AMD1: variants seen among roughly 807,000 people sequenced by gnomAD.
AMD1 encodes the protein adenosylmethionine decarboxylase 1.
Under a neutral mutation model 40.2 loss-of-function variants are expected in AMD1, and 11 were observed. The observed-to-expected ratio is 0.27, with a 90% CI of 0.17 to 0.45. The LOEUF (loss-of-function observed/expected upper bound fraction) is 0.45. AMD1 is among the 20% of genes least tolerant of loss of function. The probability of loss-of-function intolerance (pLI) is 1.00; values close to 1 mark genes in which losing one functional copy is unlikely to be tolerated. For missense variants in AMD1, 257 were observed against 410.2 expected (o/e 0.63, Z 3.23); for synonymous variants, 121 against 130.8 (o/e 0.93, Z 0.51).
chr6:110,835,422 A>G, the AMD1 span, among the ~76,000 whole-genome samples: 38 of 152,330 alleles, frequency 2.5e-4, no homozygotes, highest in Middle Eastern at 3.4e-3. Context: ...AAGTTTTTAT[A>G]TTTAGTTACT....
chr6:110,839,682 T>C, the AMD1 span, among the ~76,000 whole-genome samples: 1 of 152,210 alleles, frequency 6.6e-6, no homozygotes, highest in Non-Finnish European at 1.5e-5. Context: ...TATTTTAATT[T>C]TCCTTTTTTT....
chr6:110,818,822 G>A, the AMD1 span, among the ~76,000 whole-genome samples: 4 of 152,230 alleles, frequency 2.6e-5, no homozygotes, highest in African/African-American at 9.6e-5. Context: ...ATAGGCGCGA[G>A]CCTAATTCCT....
the AMD1 span, among the ~76,000 whole-genome samples, chr6:110,841,607 C>T: frequency 0.048 from 7,314 of 151,770 alleles, 184 homozygotes; most frequent in Middle Eastern, 0.078. Context: ...TTAGATTGTG[C>T]GGTCTGGCTC....
At chr6:110,858,037 T>C in the AMD1 span, among the ~76,000 whole-genome samples, 1 of 151,874 alleles carries the variant, frequency 6.6e-6, no homozygotes, top group Non-Finnish European at 1.5e-5. Context: ...AGAGACATGG[T>C]TTTGCTATGT....
At chr6:110,823,470 G>A in the AMD1 span, among the ~76,000 whole-genome samples, 1 of 152,144 alleles carries the variant, frequency 6.6e-6, no homozygotes, top group African/African-American at 2.4e-5. Context: ...TGTATACCTA[G>A]AAAACTCCAA....
At chr6:110,845,660 G>A in the AMD1 span, among the ~76,000 whole-genome samples, 1,411 of 152,182 alleles carry the variant, frequency 9.3e-3, 21 homozygotes, top group African/African-American at 0.032. Context: ...TTATACCAGC[G>A]ATTTGCCAGG....
At chr6:110,883,387 A>C (rs1283566172) in intron 1 of AMD1, among the ~76,000 whole-genome samples, 1 of 152,176 alleles carries the variant, frequency 6.6e-6, no homozygotes, top group Admixed American at 6.5e-5. Context: ...AGAACTGAAA[A>C]GTAGGGGCAG....
At chr6:110,892,471 T>C (rs1412184039) in intron 6 of AMD1, 28 bp downstream of exon 6, 1 of 1,609,918 alleles carries the variant, frequency 6.2e-7, no homozygotes, top group East Asian at 2.2e-5. Flanking sequence ...TAATTGTTGC[T>C]GGACTCTTCT....
At chr6:110,843,155 T>C in the AMD1 span, among the ~76,000 whole-genome samples, 3 of 146,048 alleles carry the variant, frequency 2.1e-5, no homozygotes, top group Admixed American at 1.4e-4. Context: ...AAAAAACATA[T>C]GCTTTTAGTC....
chr6:110,873,613 A>G (rs543915626), upstream of AMD1, among the ~76,000 whole-genome samples: 1 of 152,318 alleles, frequency 6.6e-6, no homozygotes, highest in East Asian at 1.9e-4. Context: ...TGACAATAGC[A>G]ATTTTTATGT....
At chr6:110,821,903 C>G in the AMD1 span, among the ~76,000 whole-genome samples, 1 of 152,018 alleles carries the variant, frequency 6.6e-6, no homozygotes, top group African/African-American at 2.4e-5. Flanking sequence ...CATCATACCT[C>G]CAGGAAATAG....
intron 1 of AMD1, among the ~76,000 whole-genome samples, chr6:110,882,544 C>G (rs919498884): frequency 6.6e-6 from 1 of 152,208 alleles, no homozygotes; most frequent in Non-Finnish European, 1.5e-5. Flanking sequence ...TCAGCTGTTG[C>G]AGAGTTTTTC....
the AMD1 span, among the ~76,000 whole-genome samples, chr6:110,869,130 C>A: frequency 2.6e-5 from 4 of 151,680 alleles, no homozygotes; most frequent in East Asian, 7.8e-4. Flanking sequence ...TTCTTCATTA[C>A]TTTAGCTTCT....
chr6:110,818,546 A>G, the AMD1 span, among the ~76,000 whole-genome samples: 1 of 151,570 alleles, frequency 6.6e-6, no homozygotes, highest in Non-Finnish European at 1.5e-5. Context: ...TTATTTATTT[A>G]TTTATTTATT....
intron 1 of AMD1, among the ~76,000 whole-genome samples, chr6:110,879,067 CA>C (rs1381941077): frequency 6.6e-6 from 1 of 152,142 alleles, no homozygotes; most frequent in African/African-American, 2.4e-5. Context: ...CCAGCAGTTT[CA>C]AAAAGGTTTC....
chr6:110,845,038 C>CTTTT, the AMD1 span, among the ~76,000 whole-genome samples: 2 of 122,246 alleles, frequency 1.6e-5, no homozygotes, highest in South Asian at 6.1e-4. Context: ...TGCCACAGAC[C>CTTTT]TTTTTTTTTT....
chr6:110,881,481 A>G (rs1220129130), intron 1 of AMD1, among the ~76,000 whole-genome samples: 3 of 152,210 alleles, frequency 2.0e-5, no homozygotes, highest in South Asian at 2.1e-4. Context: ...TACTCAATCT[A>G]CATATTTCTT....
intron 1 of AMD1, among the ~76,000 whole-genome samples, chr6:110,877,784 C>G (rs1785195283): frequency 6.6e-6 from 1 of 152,252 alleles, no homozygotes; most frequent in African/African-American, 2.4e-5. Context: ...TCATGGCTCA[C>G]TGCAGCCTTG....
At chr6:110,872,156 G>C (rs1784929756), upstream of AMD1, among the ~76,000 whole-genome samples, 1 of 152,180 alleles carries the variant, frequency 6.6e-6, no homozygotes, top group South Asian at 2.1e-4. Context: ...TCAGTCAAGT[G>C]CTAGGAATAA....
Sources: allele counts gnomAD v4.1 joint callset (sites outside exome capture counted in the v4.1 genomes callset), GRCh38; gene constraint gnomAD v4.1.1; transcripts MANE v1.5; gene names NCBI Gene and HGNC (gene_info 2026-07-23, HGNC 2026-07-21).